The following CNTN1 variants were observed in gnomAD, a reference collection of about 807,000 sequenced individuals.
CNTN1 encodes contactin 1.
CNTN1 carries 38 observed loss-of-function variants against 126.4 expected under a neutral mutation model. The observed-to-expected ratio is 0.30, with a 90% CI of 0.23 to 0.39. The LOEUF (loss-of-function observed/expected upper bound fraction) is 0.39, where lower values mean the gene tolerates loss of function less well. Among genes scored for constraint, CNTN1 ranks in the 10% least tolerant of loss-of-function variants. CNTN1 has a pLI of 1.00. For synonymous variants in CNTN1, 413 were observed against 422.6 expected (o/e 0.98, Z 0.28); for missense variants, 1,009 against 1,248.4 (o/e 0.81, Z 2.89).
At chr12:40,912,750 C>T (rs1215484023) in intron 3 of CNTN1, among the ~76,000 whole-genome samples, 1 of 152,102 alleles carries the variant, frequency 6.6e-6, no homozygotes, top group Non-Finnish European at 1.5e-5. Context: ...AGACTCACAT[C>T]AGTCAGTAAG....
chr12:40,716,660 A>G (rs1821514534), intron 1 of CNTN1, among the ~76,000 whole-genome samples: 1 of 152,210 alleles, frequency 6.6e-6, no homozygotes, highest in Admixed American at 6.5e-5. Flanking sequence ...GAAGATACAT[A>G]GATAGTTTAG....
chr12:40,695,938 G>A (rs1389999532), intron 1 of CNTN1, among the ~76,000 whole-genome samples: 3 of 151,926 alleles, frequency 2.0e-5, no homozygotes, highest in African/African-American at 4.8e-5. Context: ...TTACCCTATC[G>A]GCTAAGAGCA....
At chr12:40,858,421 A>G (rs746785006) in intron 1 of CNTN1, among the ~76,000 whole-genome samples, 1 of 152,202 alleles carries the variant, frequency 6.6e-6, no homozygotes, top group Non-Finnish European at 1.5e-5. Context: ...TTATTAGAGA[A>G]ATGCAAATCA....
intron 1 of CNTN1, among the ~76,000 whole-genome samples, chr12:40,715,457 A>T (rs1054607781): frequency 3.9e-5 from 6 of 151,986 alleles, no homozygotes; most frequent in African/African-American, 1.4e-4. Context: ...AACATTACTA[A>T]TTTTTTTTAT....
chr12:41,004,641 A>T (rs1948446278), intron 17 of CNTN1, among the ~76,000 whole-genome samples: 1 of 152,168 alleles, frequency 6.6e-6, no homozygotes, highest in Non-Finnish European at 1.5e-5. Context: ...ATACATATTT[A>T]TTATAGTTAG....
At chr12:40,867,395 C>T (rs1223253812) in intron 1 of CNTN1, among the ~76,000 whole-genome samples, 1 of 152,062 alleles carries the variant, frequency 6.6e-6, no homozygotes, top group African/African-American at 2.4e-5. Flanking sequence ...GGTCAAAGGA[C>T]ACAACATGTC....
chr12:40,841,080 C>A (rs34409157), intron 1 of CNTN1, among the ~76,000 whole-genome samples: 23,640 of 151,250 alleles, frequency 0.16, 1,840 homozygotes, highest in Middle Eastern at 0.21. Flanking sequence ...GCAGAAAGAC[C>A]TAAATAAACA....
intron 17 of CNTN1, among the ~76,000 whole-genome samples, chr12:41,010,169 G>T (rs1031343999): frequency 6.6e-6 from 1 of 152,106 alleles, no homozygotes. Flanking sequence ...TCAATTTCCA[G>T]AATCACCCAG....
At chr12:40,813,711 G>A (rs1006396754) in intron 1 of CNTN1, among the ~76,000 whole-genome samples, 5 of 152,130 alleles carry the variant, frequency 3.3e-5, no homozygotes, top group African/African-American at 1.2e-4. Flanking sequence ...TATATACCCA[G>A]TAATGGGATT....
At chr12:40,848,674 T>G (rs1309987869) in intron 1 of CNTN1, among the ~76,000 whole-genome samples, 2 of 152,096 alleles carry the variant, frequency 1.3e-5, no homozygotes, top group East Asian at 1.9e-4. Context: ...TTTCAAGTCC[T>G]TTCAAGGATG....
At chr12:40,856,778 A>C (rs1171355473) in intron 1 of CNTN1, among the ~76,000 whole-genome samples, 1 of 152,100 alleles carries the variant, frequency 6.6e-6, no homozygotes, top group Non-Finnish European at 1.5e-5. Context: ...GAGGTCTGGG[A>C]TGTCCTGCAA....
intron 6 of CNTN1, among the ~76,000 whole-genome samples, chr12:40,929,412 C>A (rs1200994074): frequency 6.6e-6 from 1 of 151,370 alleles, no homozygotes; most frequent in Non-Finnish European, 1.5e-5. Context: ...TTATAAAATG[C>A]AGTTTGGCAG....
chr12:40,926,295 A>G (rs1440675246), intron 6 of CNTN1, among the ~76,000 whole-genome samples: 1 of 151,944 alleles, frequency 6.6e-6, no homozygotes, highest in African/African-American at 2.4e-5. Flanking sequence ...ACTAGAAGGA[A>G]AGTTGGAATA....
intron 20 of CNTN1, among the ~76,000 whole-genome samples, chr12:41,022,778 A>T (rs903184430): frequency 1.3e-5 from 2 of 152,196 alleles, no homozygotes; most frequent in Non-Finnish European, 2.9e-5. Context: ...AGGATTAGAA[A>T]TGTTTGTCTG....
intron 1 of CNTN1, among the ~76,000 whole-genome samples, chr12:40,789,830 T>G (rs550106748): frequency 6.6e-6 from 1 of 152,190 alleles, no homozygotes; most frequent in African/African-American, 2.4e-5. Flanking sequence ...ATTTTTTCTA[T>G]TGTTTAACTT....
At chr12:40,725,401 CAAAAA>C (rs34242859) in intron 1 of CNTN1, among the ~76,000 whole-genome samples, 2 of 45,334 alleles carry the variant, frequency 4.4e-5, no homozygotes, top group Admixed American at 2.9e-4. Context: ...AACTCTGTCT[CAAAAA>C]AAAAAAAAAA....
intron 23 of CNTN1, among the ~76,000 whole-genome samples, chr12:41,051,310 G>T (rs1949674983): frequency 6.7e-6 from 1 of 149,858 alleles, no homozygotes; most frequent in Non-Finnish European, 1.5e-5. Flanking sequence ...ACCATGCCCA[G>T]ATAATTTTTT....
chr12:40,739,891 T>C (rs772615906), intron 1 of CNTN1, among the ~76,000 whole-genome samples: 3 of 152,072 alleles, frequency 2.0e-5, no homozygotes, highest in Admixed American at 2.0e-4. Context: ...CATATTACAC[T>C]ACCAAGGATT....
At chr12:40,968,804 C>G (rs1462254829) in intron 15 of CNTN1, among the ~76,000 whole-genome samples, 1 of 152,114 alleles carries the variant, frequency 6.6e-6, no homozygotes, top group African/African-American at 2.4e-5. Flanking sequence ...GTTCCAAATT[C>G]AACTACATGA....
Sources: gnomAD v4.1 joint callset for allele counts (sites outside exome capture counted in the v4.1 genomes callset) on GRCh38, gnomAD v4.1.1 for gene constraint, MANE v1.5 for transcripts, NCBI Gene and HGNC (gene_info 2026-07-23, HGNC 2026-07-21) for gene names.